The following SPATA6 variants were observed in gnomAD, a reference collection of about 807,000 sequenced individuals.
SPATA6 encodes the protein spermatogenesis-associated protein 6.
A neutral mutation model predicts 65.3 loss-of-function variants in SPATA6; 56 were observed. The ratio of observed to expected loss-of-function variants is 0.86; its 90% CI spans 0.69 to 1.07. The LOEUF is 1.07. SPATA6 is among the 50% of genes least tolerant of loss of function. The probability of loss-of-function intolerance (pLI) is 0.00; values close to 1 mark genes in which losing one functional copy is unlikely to be tolerated. For synonymous variants in SPATA6, 199 were observed against 213.2 expected (o/e 0.93, Z 0.58); for missense variants, 590 against 594.8 (o/e 0.99, Z 0.08).
Position 48,411,604 on chromosome 1 carries a change from C to A in SPATA6, c.281-16G>T. ...GTTTCACCCACTACAAGAAAGATAC[C>A]CTATGATTCAAATTATAATAAAATA... On this transcript the variant is annotated splice_polypyrimidine_tract_variant and intron_variant, in intron 4 of 12. Transcript: ENST00000371847. 6.6e-7 allele frequency: 1 copy of A among 1,520,926 alleles called. No homozygotes were observed. Among genetic ancestry groups the A allele is most frequent in the South Asian group, 1.4e-5 (1 of 70,832 alleles). 94.2% of individuals were successfully genotyped at this position (1,520,926 alleles called of 1,614,324 possible).
intron 3 of SPATA6, among the ~76,000 whole-genome samples, chr1:48,446,842 A>G (rs1000431700): frequency 2.0e-5 from 3 of 152,198 alleles, no homozygotes; most frequent in African/African-American, 7.2e-5. Context: ...ATAGATTGAC[A>G]TAGATTAACA....
chr1:48,410,388 AG>A (rs1181760911), intron 5 of SPATA6, among the ~76,000 whole-genome samples: 2 of 152,216 alleles, frequency 1.3e-5, no homozygotes, highest in Admixed American at 1.3e-4. Context: ...ACAAGTCTCT[AG>A]GAAGTTCCAA....
chr1:48,361,129 A>G (rs1646800705), intron 9 of SPATA6, among the ~76,000 whole-genome samples: 2 of 152,216 alleles, frequency 1.3e-5, no homozygotes, highest in African/African-American at 4.8e-5. Context: ...AATGGTATTT[A>G]GAGGTATTGC....
the SPATA6 span, among the ~76,000 whole-genome samples, chr1:48,284,905 G>A: frequency 2.0e-5 from 3 of 152,166 alleles, no homozygotes; most frequent in African/African-American, 4.8e-5. Context: ...GAGACACGGG[G>A]CTCAGGACCC....
chr1:48,378,774 G>C (rs1295030743), intron 9 of SPATA6, among the ~76,000 whole-genome samples: 1 of 152,076 alleles, frequency 6.6e-6, no homozygotes, highest in Non-Finnish European at 1.5e-5. Context: ...ATTTGGCTGG[G>C]GACACAGCCA....
intron 1 of SPATA6, among the ~76,000 whole-genome samples, chr1:48,456,484 C>T (rs2148171177): frequency 6.6e-6 from 1 of 151,462 alleles, no homozygotes; most frequent in South Asian, 2.1e-4. Flanking sequence ...ATAGAAAGCA[C>T]AGCCTATACA....
At chr1:48,466,110 GAAC>G (rs1022033441) in intron 1 of SPATA6, among the ~76,000 whole-genome samples, 3 of 151,882 alleles carry the variant, frequency 2.0e-5, no homozygotes, top group African/African-American at 7.3e-5. Context: ...ACACCCCTGA[GAAC>G]AACAGACACA....
intron 8 of SPATA6, among the ~76,000 whole-genome samples, chr1:48,394,430 C>T (rs1377260059): frequency 6.6e-6 from 1 of 152,052 alleles, no homozygotes; most frequent in African/African-American, 2.4e-5. Context: ...AGAGAGAAAA[C>T]AGTATGTAAC....
intron 12 of SPATA6, among the ~76,000 whole-genome samples, chr1:48,303,049 G>C (rs562993190): frequency 1.3e-5 from 2 of 152,118 alleles, no homozygotes; most frequent in East Asian, 3.9e-4. Context: ...CATGGAGCTG[G>C]GGAGTGGTAG....
At chr1:48,407,986 TC>T (rs1263248810) in intron 5 of SPATA6, among the ~76,000 whole-genome samples, 1 of 152,234 alleles carries the variant, frequency 6.6e-6, no homozygotes, top group Non-Finnish European at 1.5e-5. Flanking sequence ...ATTGTATGTT[TC>T]CACACAGATC....
chr1:48,384,322 C>T (rs1231638768), intron 9 of SPATA6, among the ~76,000 whole-genome samples: 2 of 103,560 alleles, frequency 1.9e-5, no homozygotes, highest in Admixed American at 1.2e-4. Context: ...AGAGGGAGAC[C>T]GTGGAGGGAC....
chr1:48,365,312 G>A (rs907127394), intron 9 of SPATA6, among the ~76,000 whole-genome samples: 4 of 152,176 alleles, frequency 2.6e-5, no homozygotes, highest in Admixed American at 1.3e-4. Flanking sequence ...GAACTTTAAA[G>A]TAGTTTTTTC....
the SPATA6 span, among the ~76,000 whole-genome samples, chr1:48,286,259 C>G: frequency 6.6e-6 from 1 of 150,870 alleles, no homozygotes; most frequent in Non-Finnish European, 1.5e-5. Flanking sequence ...ATGGAGATTG[C>G]TTTGGGTAGT....
intron 3 of SPATA6, among the ~76,000 whole-genome samples, chr1:48,434,991 T>C (rs557362191): frequency 4.6e-5 from 7 of 150,598 alleles, no homozygotes; most frequent in Non-Finnish European, 1.0e-4. Context: ...AATATAATTA[T>C]ATAACTAATT....
chr1:48,309,729 G>A (rs565368931), intron 11 of SPATA6, among the ~76,000 whole-genome samples: 1 of 152,194 alleles, frequency 6.6e-6, no homozygotes, highest in South Asian at 2.1e-4. Context: ...GTGATTTTCT[G>A]ACTTAGTTCT....
In SPATA6 at chr1:48,359,682, C is replaced by T. The variant is rs1011450506; in HGVS notation, c.998G>A (p.Arg333Gln). 2.7e-5 allele frequency: 43 copies of T among 1,613,546 alleles called. No individual in the cohort carries two copies. Among genetic ancestry groups the T allele is most frequent in the Non-Finnish European group, 3.1e-5 (37 of 1,179,822 alleles). The part of the protein sequence containing the change: ...YLSPRSCSKP[R>Q]HSARTLLVHS... ...GACTAGCAAGGTCCTCGCTGAATGCCGGGGCTTACTACACGACCTTGGGCT... is the reference window on the plus strand; with the variant it reads ...GACTAGCAAGGTCCTCGCTGAATGCTGGGGCTTACTACACGACCTTGGGCT... Residue 333 changes from arginine (R) to glutamine (Q), a missense_variant, in exon 10 of 13, where the codon CGG becomes CAG. Coordinates refer to ENST00000371847, the MANE Select transcript of SPATA6 (RefSeq NM_019073.4).
intron 11 of SPATA6, among the ~76,000 whole-genome samples, chr1:48,321,514 A>G (rs1449980786): frequency 6.6e-6 from 1 of 152,204 alleles, no homozygotes; most frequent in African/African-American, 2.4e-5. Flanking sequence ...TGGAGCAACC[A>G]GATATATAAA....
chr1:48,419,993 T>C (rs1219144385), intron 3 of SPATA6, among the ~76,000 whole-genome samples: 1 of 152,166 alleles, frequency 6.6e-6, no homozygotes, highest in Non-Finnish European at 1.5e-5. Flanking sequence ...CAATACTGAC[T>C]GATAGCTTCA....
the SPATA6 span, among the ~76,000 whole-genome samples, chr1:48,277,924 G>A: frequency 2.0e-5 from 3 of 152,204 alleles, no homozygotes; most frequent in Non-Finnish European, 4.4e-5. Flanking sequence ...TAACTGGGAG[G>A]CACCCCTCAG....
Sources: allele counts gnomAD v4.1 joint callset (sites outside exome capture counted in the v4.1 genomes callset), GRCh38; gene constraint gnomAD v4.1.1; transcripts MANE v1.5; gene names NCBI Gene and HGNC (gene_info 2026-07-23, HGNC 2026-07-21).